Variants in UGGT1 observed in about 807,000 individuals in gnomAD.
UGGT1 encodes UDP-glucose:glycoprotein glucosyltransferase 1.
UGGT1 carries 107 observed loss-of-function variants against 203.9 expected under a neutral mutation model. The observed-to-expected ratio is 0.52, with a 90% CI of 0.45 to 0.62. UGGT1 has a LOEUF of 0.62. Among genes scored for constraint, UGGT1 ranks in the 20% least tolerant of loss-of-function variants. The pLI is 0.00. For synonymous variants in UGGT1, 628 were observed against 653.5 expected, an observed-to-expected ratio of 0.96 and a Z score of 0.59; for missense variants, 1,673 against 1,867.2, an observed-to-expected ratio of 0.90 and a Z score of 1.92.
In UGGT1 at chr2:128,091,257, G is replaced by A; in HGVS notation, c.-101G>A. 7.9e-7 allele frequency: 1 copy of A among 1,267,612 alleles called. No homozygotes were observed. Among genetic ancestry groups the A allele is most frequent in the Non-Finnish European group, 1.1e-6 (1 of 948,528 alleles). 78.5% of individuals were successfully genotyped at this position (1,267,612 alleles called of 1,614,324 possible). A position where few individuals can be genotyped will look rare whatever the true frequency, so the allele number is the denominator to read the frequency against. On this transcript the variant is annotated 5_prime_UTR_variant, in exon 1 of 41. Coordinates refer to ENST00000259253, the MANE Select transcript of UGGT1 (RefSeq NM_020120.4). ...GAGTCGAGCCGCGGGAAAGGCGCGT[G>A]TCGGCCTCTCACTGGCGCAGCCTGC...
At chr2:128,142,420 C>T (rs548175377) in intron 16 of UGGT1, among the ~76,000 whole-genome samples, 1 of 149,604 alleles carries the variant, frequency 6.7e-6, no homozygotes, top group African/African-American at 2.4e-5. Context: ...CCCGTCTCTA[C>T]TAAAAAATAC....
At chr2:128,133,559 T>C (rs1007132718) in intron 14 of UGGT1, among the ~76,000 whole-genome samples, 11 of 152,220 alleles carry the variant, frequency 7.2e-5, no homozygotes, top group Non-Finnish European at 1.5e-4. Context: ...TTAAAACATT[T>C]TTAATTTTTT....
Position 128,113,129 on chromosome 2 carries a change from T to A in UGGT1, c.567T>A (p.Ser189=). Residue 189 remains serine, a synonymous_variant, in exon 6 of 41, where the codon TCT becomes TCA. Coordinates refer to ENST00000259253, the MANE Select transcript of UGGT1 (RefSeq NM_020120.4). ...AAGGAGATCACAGATATCCCTCGTCTAATCCTGAAAGCCCTGTGGTGATTT... is the reference window on the plus strand; with the variant it reads ...AAGGAGATCACAGATATCCCTCGTCAAATCCTGAAAGCCCTGTGGTGATTT... ...LFKGDHRYPS[S]NPESPVVIFY... 2.5e-6 allele frequency: 4 copies of A among 1,611,376 alleles called. No homozygotes were observed. The highest frequency in any genetic ancestry group is 3.4e-6 in the Non-Finnish European group (4 of 1,178,586).
intron 12 of UGGT1, among the ~76,000 whole-genome samples, chr2:128,127,657 C>T (rs1248878695): frequency 6.6e-6 from 1 of 152,180 alleles, no homozygotes; most frequent in Non-Finnish European, 1.5e-5. Context: ...AGTGTGTGTT[C>T]AAGGCCTGAG....
At chr2:128,176,407 C>CAAAA (rs757833629) in intron 31 of UGGT1, among the ~76,000 whole-genome samples, 4 of 70,174 alleles carry the variant, frequency 5.7e-5, no homozygotes, top group African/African-American at 1.1e-4. Context: ...AACTCTGTCT[C>CAAAA]AAAAAAAAAA....
rs117125192 is a variant in UGGT1, at chr2:128,108,014, T to A, written c.354T>A (p.Phe118Leu). The change falls in exon 4 of 41, where the codon TTT becomes TTA. Residue 118 changes from phenylalanine (F) to leucine (L), a missense_variant. By Grantham distance (22) the Phe-to-Leu change is conservative. Transcript: ENST00000259253. ...QFLSPLQQNL[F>L]KFCLSLRSYS... The stretch of plus-strand genomic sequence containing the variant: ...TGTCACCCCTCCAGCAGAATTTGTT[T>A]AAATTTTGTCTGTCCCTTCGTTCTT... 3.0e-4 allele frequency: 479 copies of A among 1,614,166 alleles called. 4 individuals carry two copies. In the East Asian group the frequency reaches 0.011, roughly 36 times the overall value.
intron 20 of UGGT1, 129 bp downstream of exon 20, chr2:128,155,716 C>T: frequency 1.6e-6 from 1 of 642,698 alleles, no homozygotes; most frequent in Non-Finnish European, 2.6e-6. Context: ...TCTTATAAAG[C>T]TTTGAGTCTA....
At chr2:128,092,705 T>C (rs12622502) in intron 1 of UGGT1, among the ~76,000 whole-genome samples, 1,814 of 151,750 alleles carry the variant, frequency 0.012, 43 homozygotes, top group East Asian at 0.05. Flanking sequence ...TTATTTTTTG[T>C]TGGTGAGGCA....
rs144930854 is a variant in UGGT1, at chr2:128,103,563, A to G, written c.195-369A>G. Among the ~76,000 whole-genome samples, 808 of 152,248 alleles carry G rather than the reference A, an allele frequency of 5.3e-3. 12 individuals carry two copies. Among genetic ancestry groups the G allele is most frequent in the African/African-American group, 0.017 (714 of 41,566 alleles). Reference sequence around the variant, plus strand: ...TTGTAAGGCCTTTCAGAAAATAAGTAAGCAGAACTAGTACTAGAATCATCA... The same window carrying G: ...TTGTAAGGCCTTTCAGAAAATAAGTGAGCAGAACTAGTACTAGAATCATCA... On this transcript the variant is annotated intron_variant, in intron 2 of 40. Coordinates refer to ENST00000259253, the MANE Select transcript of UGGT1 (RefSeq NM_020120.4).
chr2:128,133,366 T>C (rs1391246073), intron 14 of UGGT1, 106 bp downstream of exon 14: 3 of 1,415,068 alleles, frequency 2.1e-6, no homozygotes, highest in Non-Finnish European at 1.9e-6. Context: ...AGCTGCTTCC[T>C]CCCCCACCCT....
intron 19 of UGGT1, among the ~76,000 whole-genome samples, chr2:128,155,176 G>A (rs1182860592): frequency 2.0e-5 from 3 of 152,216 alleles, no homozygotes; most frequent in Non-Finnish European, 4.4e-5. Context: ...GAGTTAAGGG[G>A]ATCTCTTTGA....
chr2:128,156,804 A>T (rs1220133853), intron 21 of UGGT1, among the ~76,000 whole-genome samples: 1 of 152,170 alleles, frequency 6.6e-6, no homozygotes, highest in East Asian at 1.9e-4. Context: ...TCCTGACCTC[A>T]AGTGATCCAC....
chr2:128,151,265 C>T, intron 18 of UGGT1: 2 of 596,778 alleles, frequency 3.4e-6, no homozygotes, highest in Non-Finnish European at 6.3e-6. Flanking sequence ...GTCTTACCTT[C>T]CTCGTCCATC....
chr2:128,148,748 TC>T (rs1313327566), intron 18 of UGGT1, among the ~76,000 whole-genome samples: 6 of 152,128 alleles, frequency 3.9e-5, no homozygotes, highest in Non-Finnish European at 8.8e-5. Context: ...GACATCCCAT[TC>T]CCCAGCCTTT....
At chr2:128,145,489 CACACACACACAA>C (rs1482363072) in intron 17 of UGGT1, among the ~76,000 whole-genome samples, 1 of 99,248 alleles carries the variant, frequency 1.0e-5, no homozygotes, top group Non-Finnish European at 2.2e-5. Context: ...GCCTGTGCTA[CACACACACACAA>C]ACACACACAC....
chr2:128,151,032 G>A, intron 18 of UGGT1: 1 of 204,020 alleles, frequency 4.9e-6, no homozygotes, highest in Non-Finnish European at 1.0e-5. Context: ...TGTATTTTTA[G>A]TAGAGACAGG....
intron 2 of UGGT1, among the ~76,000 whole-genome samples, chr2:128,099,419 C>T (rs577937038): frequency 6.6e-6 from 1 of 152,334 alleles, no homozygotes; most frequent in Non-Finnish European, 1.5e-5. Context: ...GGTGGAATTA[C>T]AGGTGTGAGC....
intron 2 of UGGT1, 55 bp from the exon 3 acceptor site, chr2:128,103,877 T>C: frequency 3.1e-6 from 4 of 1,311,168 alleles, no homozygotes; most frequent in Non-Finnish European, 4.2e-6. Context: ...TTTAGTAATA[T>C]AGTTTATATT....
Position 128,115,005 on chromosome 2 carries a change from T to C in UGGT1, c.697-119T>C, listed in dbSNP as rs1688033167. On this transcript the variant is annotated intron_variant, in intron 6 of 40. Coordinates refer to ENST00000259253, the MANE Select transcript of UGGT1 (RefSeq NM_020120.4). ...ATCGTTAAAAAACAATTTAAAGATA[T>C]TTTGAGGGCATAATCCGAGGTAATG... 4 of 833,756 alleles carry C rather than the reference T, an allele frequency of 4.8e-6. No individual in the cohort carries two copies. In the Admixed American group the frequency reaches 1.1e-4, roughly 23 times the overall value. The allele number at this position is 833,756 out of a possible 1,614,324, so 51.6% of individuals were successfully genotyped here.
Sources: allele counts gnomAD v4.1 joint callset (sites outside exome capture counted in the v4.1 genomes callset), GRCh38; gene constraint gnomAD v4.1.1; transcripts MANE v1.5; gene names NCBI Gene and HGNC (gene_info 2026-07-23, HGNC 2026-07-21).